VPS50: variants seen among roughly 807,000 people sequenced by gnomAD.
The protein encoded by VPS50 is VPS50 subunit of EARP/GARPII complex, also known as syndetin.
Under a neutral mutation model 139.7 loss-of-function variants are expected in VPS50, and 70 were observed. The observed-to-expected ratio is 0.50, with a 90% confidence interval of 0.41 to 0.61. VPS50 has a LOEUF of 0.61. Ranked by LOEUF, VPS50 falls within the 20% of genes least tolerant of loss-of-function variation. The pLI, the probability that VPS50 is intolerant of heterozygous loss-of-function variation, is 0.00. For synonymous variants in VPS50, 365 were observed against 376.7 expected, an observed-to-expected ratio of 0.97 and a Z score of 0.36; for missense variants, 921 against 1,133.7, an observed-to-expected ratio of 0.81 and a Z score of 2.69.
At chr7:93,292,335 G>A (rs903761734) in intron 13 of VPS50, among the ~76,000 whole-genome samples, 1 of 151,900 alleles carries the variant, frequency 6.6e-6, no homozygotes, top group African/African-American at 2.4e-5. Flanking sequence ...ATCTTTGAAT[G>A]GAAAATATAA....
intron 20 of VPS50, among the ~76,000 whole-genome samples, chr7:93,313,325 A>G (rs895608901): frequency 1.3e-5 from 2 of 152,226 alleles, no homozygotes; most frequent in African/African-American, 4.8e-5. Context: ...GGGAAAAATA[A>G]TATAATCAAA....
intron 2 of VPS50, among the ~76,000 whole-genome samples, chr7:93,245,422 T>C (rs1318094635): frequency 2.0e-5 from 3 of 151,868 alleles, no homozygotes; most frequent in Non-Finnish European, 4.4e-5. Context: ...TAGACAGTAT[T>C]GTTTTCTTTT....
At chr7:93,263,628 A>G (rs543114555) in intron 9 of VPS50, among the ~76,000 whole-genome samples, 8 of 152,188 alleles carry the variant, frequency 5.3e-5, no homozygotes, top group Non-Finnish European at 1.0e-4. Flanking sequence ...AATAGCTGAG[A>G]TGGAAAAACT....
intron 1 of VPS50, among the ~76,000 whole-genome samples, chr7:93,233,440 T>C (rs881404): frequency 0.15 from 22,146 of 152,192 alleles, 2,598 homozygotes; most frequent in East Asian, 0.4. Context: ...AGTTTTTTTC[T>C]TGTTGATTAC....
intron 23 of VPS50, among the ~76,000 whole-genome samples, chr7:93,342,044 T>A (rs1798227145): frequency 6.6e-6 from 1 of 152,176 alleles, no homozygotes; most frequent in African/African-American, 2.4e-5. Context: ...ACGGGTGATT[T>A]CTGCATTTCC....
intron 21 of VPS50, among the ~76,000 whole-genome samples, chr7:93,326,459 A>ATAAAAT (rs577771724): frequency 2.7e-5 from 4 of 150,068 alleles, no homozygotes; most frequent in South Asian, 2.1e-4. Context: ...ATAATAAAAA[A>ATAAAAT]AAAATAAAAT....
chr7:93,242,858 GT>G (rs1300888369), intron 2 of VPS50, among the ~76,000 whole-genome samples: 2 of 151,904 alleles, frequency 1.3e-5, no homozygotes, highest in African/African-American at 2.4e-5. Flanking sequence ...GGAGAAAAAT[GT>G]TAGGATAAAT....
chr7:93,326,485 A>G (rs1797783564), intron 21 of VPS50, among the ~76,000 whole-genome samples: 1 of 151,052 alleles, frequency 6.6e-6, no homozygotes, highest in Non-Finnish European at 1.5e-5. Flanking sequence ...AAAATAATAC[A>G]GTATTGAAAC....
At position 93,350,029 on chromosome 7, in the gene VPS50, T is replaced by G; in HGVS notation, c.2459T>G (p.Leu820Ter). 1 of 1,610,578 alleles carries G rather than the reference T, an allele frequency of 6.2e-7. No individual in the cohort carries two copies. ...SQHNIYVDALLKEFEQFNRRL... is the reference protein window; with the variant it reads ...SQHNIYVDAL ...CACAACATATATGTAGATGCACTATTAAAGGCAAGTGTTCTGGGAAGCACC... is the reference window on the plus strand; with the variant it reads ...CACAACATATATGTAGATGCACTATGAAAGGCAAGTGTTCTGGGAAGCACC... Residue 820 changes from leucine to a stop codon, truncating the protein, a stop_gained, in exon 25 of 28, where the codon TTA becomes TGA. Coordinates refer to ENST00000305866, the MANE Select transcript of VPS50 (RefSeq NM_017667.4). LOFTEE classifies it high-confidence loss of function.
At chr7:93,244,084 G>C (rs949044882) in intron 2 of VPS50, among the ~76,000 whole-genome samples, 5 of 151,490 alleles carry the variant, frequency 3.3e-5, no homozygotes, top group African/African-American at 1.2e-4. Context: ...TTTTTTTCGT[G>C]AAAGAAAAAT....
rs1469979342 is a variant in VPS50, at chr7:93,253,984, A to G, written c.297+53A>G. The G allele has an allele frequency of 4.3e-6, 4 of 922,224 alleles. No homozygotes were observed. The African/African-American group carries it at 5.0e-5, about 11-fold the overall frequency. The allele number at this position is 922,224 out of a possible 1,614,324, so 57.1% of individuals were successfully genotyped here. On this transcript the variant is annotated intron_variant, in intron 4 of 27. Coordinates refer to ENST00000305866, the MANE Select transcript of VPS50 (RefSeq NM_017667.4). ...CTGGCAAAACTCTAGATGAAACACAACAGAGAGGTATAATGTTTGCAGATT... is the reference window on the plus strand; with the variant it reads ...CTGGCAAAACTCTAGATGAAACACAGCAGAGAGGTATAATGTTTGCAGATT...
At chr7:93,342,118 G>A (rs566152378) in intron 23 of VPS50, among the ~76,000 whole-genome samples, 11 of 152,286 alleles carry the variant, frequency 7.2e-5, no homozygotes, top group African/African-American at 4.8e-5. Context: ...CAGTGGGTGC[G>A]CGCACTGTGC....
rs917873447 is a variant in VPS50 at position 93,331,004 on chromosome 7, T to A, written c.1978-3113T>A. ...AATAATCAAGTTTGAAAATAAAAAATTTTTAAAAGCTTTACTTACAATAAC... is the reference window on the plus strand; with the variant it reads ...AATAATCAAGTTTGAAAATAAAAAAATTTTAAAAGCTTTACTTACAATAAC... On this transcript the variant is annotated intron_variant, in intron 21 of 27. Transcript: ENST00000305866. Among the ~76,000 whole-genome samples the A allele has an allele frequency of 7.1e-3, 961 of 135,770 alleles. 12 individuals carry two copies. Among genetic ancestry groups the A allele is most frequent in the African/African-American group, 0.026 (875 of 33,410 alleles). 89.1% of individuals were successfully genotyped at this position (135,770 alleles called of 152,430 possible). A position where few individuals can be genotyped will look rare whatever the true frequency, so the allele number is the denominator to read the frequency against.
intron 12 of VPS50, among the ~76,000 whole-genome samples, chr7:93,280,993 A>C (rs1796311431): frequency 1.3e-5 from 2 of 152,102 alleles, no homozygotes; most frequent in Admixed American, 1.3e-4. Flanking sequence ...TTATTTCATT[A>C]TGTGTTTTCA....
chr7:93,286,989 C>T (rs1235068972), intron 12 of VPS50, among the ~76,000 whole-genome samples: 3 of 136,462 alleles, frequency 2.2e-5, no homozygotes, highest in Non-Finnish European at 4.5e-5. Context: ...TTGTTGAAAA[C>T]GTTGTTTTTT....
chr7:93,311,228 C>A lies in VPS50; in HGVS notation c.1811C>A (p.Ala604Glu). 7.0e-7 allele frequency: 1 copy of A among 1,419,678 alleles called. No homozygotes were observed. The highest frequency in any genetic ancestry group is 1.0e-6 in the Non-Finnish European group (1 of 1,003,008). The allele number at this position is 1,419,678 out of a possible 1,614,324, so 87.9% of individuals were successfully genotyped here. The change falls in exon 20 of 28, where the codon GCA becomes GAA. Residue 604 changes from alanine (A) to glutamate (E), a missense_variant. Physicochemically the swap from Ala to Glu is moderately radical, Grantham distance 107. Transcript: ENST00000305866. Reference sequence around the variant, plus strand: ...GATTACAGTCTAAATAAAGTGAATGCACCTATCTTAACAAATACAACATTG... The same window carrying A: ...GATTACAGTCTAAATAAAGTGAATGAACCTATCTTAACAAATACAACATTG... ...KSDYSLNKVN[A>E]PILTNTTLNV...
chr7:93,332,223 C>T (rs569972163), intron 21 of VPS50, among the ~76,000 whole-genome samples: 11 of 152,216 alleles, frequency 7.2e-5, no homozygotes, highest in African/African-American at 2.7e-4. Flanking sequence ...CTGATGGAAG[C>T]ACCCTTTCTG....
intron 16 of VPS50, among the ~76,000 whole-genome samples, chr7:93,297,748 T>C (rs1180509904): frequency 6.6e-6 from 1 of 152,020 alleles, no homozygotes; most frequent in Non-Finnish European, 1.5e-5. Context: ...TTTAAAAGAG[T>C]GACTAGGAAT....
intron 12 of VPS50, among the ~76,000 whole-genome samples, chr7:93,290,049 T>C (rs1410149032): frequency 1.3e-5 from 2 of 152,052 alleles, no homozygotes; most frequent in Admixed American, 1.3e-4. Context: ...TTATTATAAA[T>C]GAGGGTTTCT....
Sources: allele counts gnomAD v4.1 joint callset (sites outside exome capture counted in the v4.1 genomes callset), GRCh38; gene constraint gnomAD v4.1.1; transcripts MANE v1.5; gene names NCBI Gene and HGNC (gene_info 2026-07-23, HGNC 2026-07-21).